PSMD1: variants seen among roughly 807,000 people sequenced by gnomAD.
The protein encoded by PSMD1 is proteasome 26S subunit, non-ATPase 1.
In PSMD1, 18 loss-of-function variants were observed where a neutral mutation model predicts 119.0. The observed-to-expected ratio is 0.15, with a 90% CI of 0.10 to 0.22. The LOEUF is 0.22. Among genes scored for constraint, PSMD1 ranks in the 10% least tolerant of loss-of-function variants. PSMD1 has a pLI of 1.00. For synonymous variants in PSMD1, 374 were observed against 396.6 expected (o/e 0.94, Z 0.68); for missense variants, 702 against 1,158.5 (o/e 0.61, Z 5.72).
At chr2:231,150,028 G>A (rs1327740469) in intron 18 of PSMD1, among the ~76,000 whole-genome samples, 8 of 152,044 alleles carry the variant, frequency 5.3e-5, no homozygotes, top group Admixed American at 1.3e-4. Flanking sequence ...CGCTAAATAC[G>A]GAGATTTGGG....
intron 9 of PSMD1, 54 bp downstream of exon 9, chr2:231,077,216 C>A: frequency 8.5e-7 from 1 of 1,170,824 alleles, no homozygotes; most frequent in Non-Finnish European, 1.2e-6. Flanking sequence ...TTCTTTGTTG[C>A]ATATAAGTAA....
intron 5 of PSMD1, among the ~76,000 whole-genome samples, chr2:231,068,258 G>A (rs993641547): frequency 5.9e-5 from 9 of 152,126 alleles, no homozygotes; most frequent in East Asian, 1.9e-4. Flanking sequence ...AGTGTTTAGC[G>A]TCGATAATAC....
intron 18 of PSMD1, among the ~76,000 whole-genome samples, chr2:231,153,087 T>G (rs1696406845): frequency 6.6e-6 from 1 of 152,176 alleles, no homozygotes; most frequent in Non-Finnish European, 1.5e-5. Context: ...AATGGAAATC[T>G]TTACTTTATG....
At chr2:231,122,488 T>C (rs1331227630) in intron 16 of PSMD1, among the ~76,000 whole-genome samples, 1 of 152,170 alleles carries the variant, frequency 6.6e-6, no homozygotes, top group Non-Finnish European at 1.5e-5. Context: ...AGTAATCATT[T>C]TGCTTAGGCA....
At chr2:231,155,320 T>C (rs1157524317) in intron 19 of PSMD1, among the ~76,000 whole-genome samples, 2 of 152,218 alleles carry the variant, frequency 1.3e-5, no homozygotes, top group Non-Finnish European at 2.9e-5. Flanking sequence ...CTCAGTCAAC[T>C]AGGAATGTGT....
At position 231,148,287 on chromosome 2, in the gene PSMD1, A is replaced by G. The variant is rs1696293299; in HGVS notation, c.2115+1931A>G. Reference sequence around the variant, plus strand: ...TTGGTCATGGAATGCACCTCCTCTAACAGTAATACATAGACATTCACTTTG... The same window carrying G: ...TTGGTCATGGAATGCACCTCCTCTAGCAGTAATACATAGACATTCACTTTG... On this transcript the variant is annotated intron_variant, in intron 18 of 24. Transcript: ENST00000308696. Among the ~76,000 whole-genome samples the G allele has an allele frequency of 3.9e-5, 6 of 152,178 alleles. 1 individual carries two copies. The highest frequency in any genetic ancestry group is 3.9e-4 in the Admixed American group (6 of 15,270).
intron 16 of PSMD1, among the ~76,000 whole-genome samples, chr2:231,091,831 T>C (rs966446585): frequency 6.6e-6 from 1 of 152,162 alleles, no homozygotes; most frequent in Non-Finnish European, 1.5e-5. Flanking sequence ...ATCCCAACTA[T>C]GTATTGGTTG....
chr2:231,129,048 T>C (rs112272149), intron 16 of PSMD1, among the ~76,000 whole-genome samples: 3,374 of 152,318 alleles, frequency 0.022, 137 homozygotes, highest in African/African-American at 0.077. Flanking sequence ...AAATATCTTT[T>C]GGAGTAGATA....
chr2:231,115,422 C>T (rs1368284213), intron 16 of PSMD1, among the ~76,000 whole-genome samples: 2 of 151,926 alleles, frequency 1.3e-5, no homozygotes, highest in East Asian at 1.9e-4. Flanking sequence ...ATATTTCTTC[C>T]TAGGAACAAA....
At chr2:231,144,408 C>T (rs960277297) in intron 17 of PSMD1, among the ~76,000 whole-genome samples, 5 of 148,458 alleles carry the variant, frequency 3.4e-5, no homozygotes, top group South Asian at 4.3e-4. Context: ...CCCGCCACCA[C>T]GCCCAGCTAA....
At chr2:231,057,221 C>T (rs1449873334) in intron 1 of PSMD1, among the ~76,000 whole-genome samples, 180 bp downstream of exon 1, 1 of 152,060 alleles carries the variant, frequency 6.6e-6, no homozygotes, top group Non-Finnish European at 1.5e-5. Flanking sequence ...CTGCGTGCTT[C>T]TCTGGCTTGA....
chr2:231,130,630 G>T (rs1695833168), intron 16 of PSMD1, among the ~76,000 whole-genome samples: 1 of 152,042 alleles, frequency 6.6e-6, no homozygotes, highest in African/African-American at 2.4e-5. Flanking sequence ...GCTAATTTTT[G>T]TATTTTTTGT....
intron 7 of PSMD1, among the ~76,000 whole-genome samples, chr2:231,072,971 C>G (rs965565419): frequency 3.3e-5 from 5 of 152,096 alleles, no homozygotes; most frequent in Non-Finnish European, 5.9e-5. Context: ...CCCGCTCTTT[C>G]ACTGGATATC....
At chr2:231,064,141 CAGT>C (rs1693835391) in intron 4 of PSMD1, among the ~76,000 whole-genome samples, 1 of 152,122 alleles carries the variant, frequency 6.6e-6, no homozygotes, top group Non-Finnish European at 1.5e-5. Flanking sequence ...GAGTTTTGAT[CAGT>C]AGACCAGTTC....
At chr2:231,090,946 C>A (rs553189456) in intron 16 of PSMD1, among the ~76,000 whole-genome samples, 36 of 152,176 alleles carry the variant, frequency 2.4e-4, no homozygotes, top group Middle Eastern at 3.4e-3. Flanking sequence ...AAGATGCTGT[C>A]GACATTGTTG....
In PSMD1 at chr2:231,057,733, T is replaced by C. The variant is rs557369013; in HGVS notation, c.16+692T>C. On this transcript the variant is annotated intron_variant, in intron 1 of 24. Transcript: ENST00000308696. ...AATGGATGGATCTGCGGAGCAGGTTTCATACGCGCAAACCATTGCATAGGT... is the reference window on the plus strand; with the variant it reads ...AATGGATGGATCTGCGGAGCAGGTTCCATACGCGCAAACCATTGCATAGGT... 2.6e-5 allele frequency among the ~76,000 whole-genome samples: 4 copies of C among 152,388 alleles called. No individual in the cohort carries two copies. The East Asian group carries it at 7.7e-4, about 29-fold the overall frequency.
chr2:231,108,685 C>T, intron 16 of PSMD1: 1 of 1,614,138 alleles, frequency 6.2e-7, no homozygotes, highest in Non-Finnish European at 8.5e-7. Context: ...TCTTGAAAAA[C>T]TTAGAGTTCT....
intron 11 of PSMD1, 140 bp downstream of exon 11, chr2:231,079,754 A>G (rs1694260167): frequency 3.6e-6 from 2 of 555,332 alleles, no homozygotes; most frequent in Non-Finnish European, 6.3e-6. Flanking sequence ...AGAAGGCTAA[A>G]GTAAATAAGA....
intron 18 of PSMD1, among the ~76,000 whole-genome samples, chr2:231,147,143 C>A (rs1294738773): frequency 6.6e-6 from 1 of 152,162 alleles, no homozygotes; most frequent in African/African-American, 2.4e-5. Context: ...ATATCCTCCA[C>A]AATCCACACC....
Sources: gnomAD v4.1 joint callset for allele counts (sites outside exome capture counted in the v4.1 genomes callset) on GRCh38, gnomAD v4.1.1 for gene constraint, MANE v1.5 for transcripts, NCBI Gene and HGNC (gene_info 2026-07-23, HGNC 2026-07-21) for gene names.